The following GRIN2B variants were observed in gnomAD, a reference collection of about 807,000 sequenced individuals.
GRIN2B encodes glutamate ionotropic receptor NMDA type subunit 2B.
GRIN2B carries 5 observed loss-of-function variants against 114.5 expected under a neutral mutation model. That is an observed-to-expected ratio of 0.04 (90% CI 0.02 to 0.09). The LOEUF (loss-of-function observed/expected upper bound fraction) is 0.09, where lower values mean the gene tolerates loss of function less well. Among genes scored for constraint, GRIN2B ranks in the 10% least tolerant of loss-of-function variants. The pLI is 1.00. For missense variants in GRIN2B, 1,108 were observed against 1,943.5 expected (o/e 0.57, Z 8.08); for synonymous variants, 787 against 745.1 (o/e 1.06, Z -0.92).
At chr12:13,581,764 G>A (rs1421992456) in intron 10 of GRIN2B, among the ~76,000 whole-genome samples, 1 of 152,068 alleles carries the variant, frequency 6.6e-6, no homozygotes, top group East Asian at 1.9e-4. Flanking sequence ...ACAAAAATTA[G>A]CCAGGTGTGG....
intron 3 of GRIN2B, among the ~76,000 whole-genome samples, chr12:13,823,775 T>A (rs905437195): frequency 6.6e-6 from 1 of 152,184 alleles, no homozygotes; most frequent in Non-Finnish European, 1.5e-5. Flanking sequence ...TTGAGTATGA[T>A]GTCGGCTATA....
At chr12:13,678,202 C>A (rs886684066) in intron 4 of GRIN2B, among the ~76,000 whole-genome samples, 1 of 152,258 alleles carries the variant, frequency 6.6e-6, no homozygotes, top group East Asian at 1.9e-4. Flanking sequence ...TTTAGGTGAA[C>A]ATTGCTAAGT....
rs544723156 is a variant in GRIN2B, at chr12:13,763,233, G to A, written c.412-9318C>T. On this transcript the variant is annotated intron_variant, in intron 3 of 13. Transcript: ENST00000609686. ...TACTGCCTTCTGATCTTTAAACCAG[G>A]ATAGGCCAAGTACTGTCCTCACCGA... Among the ~76,000 whole-genome samples the A allele has an allele frequency of 1.2e-3, 187 of 152,184 alleles. 2 individuals are homozygous for A. The highest frequency in any genetic ancestry group is 4.2e-3 in the African/African-American group (175 of 41,522).
At chr12:13,929,807 A>C (rs1866990416) in intron 2 of GRIN2B, among the ~76,000 whole-genome samples, 1 of 152,222 alleles carries the variant, frequency 6.6e-6, no homozygotes, top group African/African-American at 2.4e-5. Flanking sequence ...CCTAGAACCC[A>C]GTAACACCGG....
rs1866588868 is a variant in GRIN2B at position 13,909,033 on chromosome 12, G to A, written c.-18-42807C>T. ...GCTCACTATAAATGGCTGCTGGCTC[G>A]TACTCTGTAACAAACGCAGGCTCCA... On this transcript the variant is annotated intron_variant, in intron 2 of 13. Coordinates refer to ENST00000609686, the MANE Select transcript of GRIN2B (RefSeq NM_000834.5). Among the ~76,000 whole-genome samples the A allele has an allele frequency of 2.0e-5, 3 of 152,104 alleles. No individual in the cohort carries two copies. The South Asian group carries it at 6.2e-4, about 31-fold the overall frequency.
At chr12:13,876,399 C>T (rs925118108) in intron 2 of GRIN2B, among the ~76,000 whole-genome samples, 2 of 152,184 alleles carry the variant, frequency 1.3e-5, no homozygotes, top group Admixed American at 6.5e-5. Context: ...AGACAAGGAG[C>T]TTCTGTTGAC....
intron 2 of GRIN2B, among the ~76,000 whole-genome samples, chr12:13,934,323 T>C (rs1867089979): frequency 6.6e-6 from 1 of 152,208 alleles, no homozygotes; most frequent in Non-Finnish European, 1.5e-5. Flanking sequence ...TGCCATTGAC[T>C]CTTGTCCTTA....
At chr12:13,818,162 A>G (rs1240106744) in intron 3 of GRIN2B, among the ~76,000 whole-genome samples, 1 of 152,248 alleles carries the variant, frequency 6.6e-6, no homozygotes. Context: ...GATGGCACTA[A>G]TGAATGCAAT....
chr12:13,754,750 A>T (rs999222168), intron 3 of GRIN2B, among the ~76,000 whole-genome samples: 1 of 152,202 alleles, frequency 6.6e-6, no homozygotes, highest in Admixed American at 6.5e-5. Context: ...CATATAGAAG[A>T]TATGCTCTTT....
At chr12:13,854,389 A>G (rs1865624206) in intron 3 of GRIN2B, among the ~76,000 whole-genome samples, 1 of 152,132 alleles carries the variant, frequency 6.6e-6, no homozygotes, top group Non-Finnish European at 1.5e-5. Flanking sequence ...GAGTGCCTAT[A>G]ATCCCAGCTA....
At chr12:13,607,587 A>G (rs1949300328) in intron 10 of GRIN2B, among the ~76,000 whole-genome samples, 1 of 146,042 alleles carries the variant, frequency 6.8e-6, no homozygotes, top group Non-Finnish European at 1.5e-5. Flanking sequence ...CCTGAAGAGA[A>G]TATCTCCTCC....
At chr12:13,954,596 G>C (rs1341733492) in intron 2 of GRIN2B, among the ~76,000 whole-genome samples, 2 of 151,748 alleles carry the variant, frequency 1.3e-5, no homozygotes, top group African/African-American at 4.8e-5. Flanking sequence ...GATCACTTGA[G>C]GTCAGGAGTT....
At chr12:13,665,178 TG>T (rs1949962827) in intron 5 of GRIN2B, among the ~76,000 whole-genome samples, 1 of 151,684 alleles carries the variant, frequency 6.6e-6, no homozygotes, top group Non-Finnish European at 1.5e-5. Flanking sequence ...TGTGTGTGTG[TG>T]TGTGTGTGTG....
At chr12:13,646,926 G>T (rs35354725) in intron 5 of GRIN2B, among the ~76,000 whole-genome samples, 1 of 152,020 alleles carries the variant, frequency 6.6e-6, no homozygotes, top group Non-Finnish European at 1.5e-5. Flanking sequence ...GGGTCGCATG[G>T]CCAGGAGCTG....
intron 4 of GRIN2B, among the ~76,000 whole-genome samples, chr12:13,739,985 A>C (rs951370587): frequency 2.0e-5 from 3 of 152,176 alleles, no homozygotes; most frequent in African/African-American, 7.2e-5. Flanking sequence ...ATTCCTAAAG[A>C]ATATTCTTTC....
intron 5 of GRIN2B, among the ~76,000 whole-genome samples, chr12:13,627,364 T>A (rs1171961777): frequency 6.6e-6 from 1 of 152,206 alleles, no homozygotes; most frequent in African/African-American, 2.4e-5. Context: ...CATAATGTAC[T>A]GTGTATTTCA....
rs911513581 is a variant in GRIN2B, at chr12:13,539,116, C to T, written c.*23667G>A. Reference sequence around the variant, plus strand: ...GAGAAACAAGAATTTTTGTTCAGTACAAAGGAAAGTACAAGAGAGACCCTC... The same window carrying T: ...GAGAAACAAGAATTTTTGTTCAGTATAAAGGAAAGTACAAGAGAGACCCTC... On this transcript the variant is annotated 3_prime_UTR_variant, in exon 14 of 14. Coordinates refer to ENST00000609686, the MANE Select transcript of GRIN2B (RefSeq NM_000834.5). 1.2e-4 allele frequency: 18 copies of T among 152,160 alleles called. No homozygotes were observed. The highest frequency in any genetic ancestry group is 2.2e-4 in the Non-Finnish European group (15 of 68,032). The allele number at this position is 152,160 out of a possible 1,614,324, so 9.4% of individuals were successfully genotyped here.
intron 3 of GRIN2B, among the ~76,000 whole-genome samples, chr12:13,795,211 A>T (rs572824878): frequency 6.6e-6 from 1 of 152,326 alleles, no homozygotes; most frequent in East Asian, 1.9e-4. Context: ...ATATCTAACA[A>T]CATTTAGTGG....
At chr12:13,662,522 G>T (rs1460892856) in intron 5 of GRIN2B, among the ~76,000 whole-genome samples, 1 of 152,076 alleles carries the variant, frequency 6.6e-6, no homozygotes, top group Non-Finnish European at 1.5e-5. Context: ...AGCGTATATG[G>T]CACTATCTGA....
Sources: gnomAD v4.1 joint callset for allele counts (sites outside exome capture counted in the v4.1 genomes callset) on GRCh38, gnomAD v4.1.1 for gene constraint, MANE v1.5 for transcripts, NCBI Gene and HGNC (gene_info 2026-07-23, HGNC 2026-07-21) for gene names.